Variants in HORMAD2 observed in about 807,000 individuals in gnomAD.
The protein encoded by HORMAD2 is HORMA domain containing 2, also known as HORMA domain-containing protein 2.
Under a neutral mutation model 38.8 loss-of-function variants are expected in HORMAD2, and 45 were observed. The observed-to-expected ratio is 1.16, with a 90% CI of 0.91 to 1.49. The LOEUF (loss-of-function observed/expected upper bound fraction) is 1.49. Ranked by LOEUF, HORMAD2 falls within the 40% of genes most tolerant of loss-of-function variation. HORMAD2 has a pLI of 0.00. For synonymous variants in HORMAD2, 126 were observed against 122.8 expected (o/e 1.03, Z -0.17); for missense variants, 338 against 367.0 (o/e 0.92, Z 0.65).
the HORMAD2 span, among the ~76,000 whole-genome samples, chr22:30,201,606 C>A: frequency 9.9e-5 from 15 of 151,908 alleles, no homozygotes; most frequent in Admixed American, 6.6e-5. Context: ...TTAGTAGAGA[C>A]GGGGTTTCAC....
intron 5 of HORMAD2, among the ~76,000 whole-genome samples, chr22:30,109,730 A>T (rs5997573): frequency 1.3e-5 from 2 of 152,232 alleles, no homozygotes; most frequent in African/African-American, 4.8e-5. Flanking sequence ...ATAGTAGTGT[A>T]TATGTAGAGA....
At chr22:30,135,406 C>T (rs1923583398) in intron 10 of HORMAD2, among the ~76,000 whole-genome samples, 1 of 151,596 alleles carries the variant, frequency 6.6e-6, no homozygotes, top group Non-Finnish European at 1.5e-5. Flanking sequence ...GAGAGAGAAC[C>T]CAAGCAGAGC....
chr22:30,168,074 C>T (rs1449190640), intron 10 of HORMAD2, among the ~76,000 whole-genome samples: 2 of 152,086 alleles, frequency 1.3e-5, no homozygotes, highest in African/African-American at 4.8e-5. Context: ...GGTAATATGT[C>T]TTAAAGCTAT....
chr22:30,193,008 G>A, the HORMAD2 span, among the ~76,000 whole-genome samples: 1 of 152,188 alleles, frequency 6.6e-6, no homozygotes, highest in Non-Finnish European at 1.5e-5. Context: ...AACTGGAAGA[G>A]ATAAATAAAT....
At position 30,104,569 on chromosome 22, in the gene HORMAD2, C is replaced by T. The variant is rs551192298; in HGVS notation, c.294+132C>T. On this transcript the variant is annotated intron_variant, in intron 5 of 10. Transcript: ENST00000336726. ...TACGTTTGCATCCATAAACTAATTT[C>T]TTATCTTATGTCTTTATTGTCCTGT... 8.9e-5 allele frequency: 58 copies of T among 648,316 alleles called. No individual in the cohort carries two copies. The South Asian group carries it at 1.2e-3, about 13-fold the overall frequency. 40.2% of individuals were successfully genotyped at this position (648,316 alleles called of 1,614,324 possible).
chr22:30,128,278 T>C (rs1392873260), intron 10 of HORMAD2, among the ~76,000 whole-genome samples: 1 of 152,186 alleles, frequency 6.6e-6, no homozygotes, highest in Non-Finnish European at 1.5e-5. Flanking sequence ...ATCCTATCAA[T>C]ACTGTTTTTA....
At chr22:30,117,391 G>A (rs1277979170) in intron 7 of HORMAD2, among the ~76,000 whole-genome samples, 1 of 151,750 alleles carries the variant, frequency 6.6e-6, no homozygotes, top group Non-Finnish European at 1.5e-5. Flanking sequence ...ACATATCTGG[G>A]CCAAACATTT....
chr22:30,115,828 G>A (rs1374995074), intron 7 of HORMAD2, among the ~76,000 whole-genome samples: 1 of 152,204 alleles, frequency 6.6e-6, no homozygotes, highest in Non-Finnish European at 1.5e-5. Flanking sequence ...GGCTGTGTTA[G>A]ATTGGGCAGT....
intron 10 of HORMAD2, among the ~76,000 whole-genome samples, chr22:30,139,037 C>T (rs759657467): frequency 2.0e-5 from 3 of 151,462 alleles, no homozygotes; most frequent in African/African-American, 4.9e-5. Flanking sequence ...CCTCCCTGAG[C>T]GGGAGGGAAT....
chr22:30,153,081 CAT>C (rs201283246), intron 10 of HORMAD2, among the ~76,000 whole-genome samples: 13,764 of 152,084 alleles, frequency 0.091, 644 homozygotes, highest in Middle Eastern at 0.14. Flanking sequence ...AGTTTCCCCC[CAT>C]CTCAGCACCA....
intron 4 of HORMAD2, among the ~76,000 whole-genome samples, chr22:30,103,941 T>C (rs1921001346): frequency 6.6e-6 from 1 of 151,906 alleles, no homozygotes; most frequent in African/African-American, 2.4e-5. Context: ...ACTACAGGTG[T>C]GAGCCACTGC....
At chr22:30,085,652 G>A (rs5763758) in intron 1 of HORMAD2, among the ~76,000 whole-genome samples, 6,161 of 152,264 alleles carry the variant, frequency 0.04, 363 homozygotes, top group South Asian at 0.22. Context: ...TACTCAGGAC[G>A]CTGAGGCAGG....
chr22:30,144,493 A>G (rs1924286738), intron 10 of HORMAD2, among the ~76,000 whole-genome samples: 1 of 152,218 alleles, frequency 6.6e-6, no homozygotes, highest in African/African-American at 2.4e-5. Context: ...TGTCTTTGGA[A>G]AGAGATTAGG....
intron 10 of HORMAD2, among the ~76,000 whole-genome samples, chr22:30,124,644 C>T (rs1036232236): frequency 3.9e-5 from 6 of 152,096 alleles, no homozygotes; most frequent in African/African-American, 1.4e-4. Context: ...TTTGCTTGAA[C>T]TTCAAAGTTG....
intron 1 of HORMAD2, among the ~76,000 whole-genome samples, chr22:30,090,417 A>G (rs1294032298): frequency 6.6e-6 from 1 of 152,192 alleles, no homozygotes; most frequent in African/African-American, 2.4e-5. Context: ...CATTGTAAAT[A>G]CCACATTTTG....
At chr22:30,178,784 C>T (rs1263165021), downstream of HORMAD2, among the ~76,000 whole-genome samples, 3 of 152,166 alleles carry the variant, frequency 2.0e-5, no homozygotes, top group Non-Finnish European at 4.4e-5. Context: ...TAGTTGGAAA[C>T]TGAGACATTA....
intron 5 of HORMAD2, among the ~76,000 whole-genome samples, chr22:30,108,459 T>C (rs1242205586): frequency 5.3e-5 from 8 of 152,162 alleles, no homozygotes; most frequent in Non-Finnish European, 1.5e-5. Flanking sequence ...GCATATATTG[T>C]TCCTCTTGCC....
chr22:30,105,444 G>A (rs1038774706), intron 5 of HORMAD2: 2 of 152,944 alleles, frequency 1.3e-5, no homozygotes, highest in African/African-American at 4.8e-5. Context: ...AGGCCTGTAA[G>A]TATTTGAAAT....
intron 6 of HORMAD2, among the ~76,000 whole-genome samples, chr22:30,112,053 C>T (rs1467965195): frequency 6.6e-6 from 1 of 151,742 alleles, no homozygotes; most frequent in Non-Finnish European, 1.5e-5. Context: ...TTTATTGGCT[C>T]TCAGGATTTT....
Sources: gnomAD v4.1 joint callset for allele counts (sites outside exome capture counted in the v4.1 genomes callset) on GRCh38, gnomAD v4.1.1 for gene constraint, MANE v1.5 for transcripts, NCBI Gene and HGNC (gene_info 2026-07-23, HGNC 2026-07-21) for gene names.